The following DCC variants were observed in gnomAD, a reference collection of about 807,000 sequenced individuals.
The protein encoded by DCC is DCC netrin 1 receptor, also known as netrin receptor DCC.
In DCC, 58 loss-of-function variants were observed where a neutral mutation model predicts 172.5. The ratio of observed to expected loss-of-function variants is 0.34; its 90% CI spans 0.27 to 0.42. The LOEUF (loss-of-function observed/expected upper bound fraction) is 0.42, where lower values mean the gene tolerates loss of function less well. Ranked by LOEUF, DCC falls within the 10% of genes least tolerant of loss-of-function variation. DCC has a pLI of 1.00. For synonymous variants in DCC, 709 were observed against 644.5 expected (o/e 1.10, Z -1.52); for missense variants, 1,740 against 1,791.0 (o/e 0.97, Z 0.51).
intron 1 of DCC, among the ~76,000 whole-genome samples, chr18:52,359,970 A>C (rs562028616): frequency 6.6e-6 from 1 of 152,256 alleles, no homozygotes; most frequent in East Asian, 1.9e-4. Flanking sequence ...CTGCTCCATA[A>C]CATGTCCTTA....
At chr18:53,066,393 A>G (rs1164011170) in intron 7 of DCC, among the ~76,000 whole-genome samples, 1 of 103,280 alleles carries the variant, frequency 9.7e-6, no homozygotes, top group African/African-American at 3.7e-5. Flanking sequence ...ATATATATAT[A>G]TATATGTGCA....
At chr18:52,424,824 G>A (rs752394588) in intron 1 of DCC, among the ~76,000 whole-genome samples, 5 of 152,006 alleles carry the variant, frequency 3.3e-5, no homozygotes, top group South Asian at 2.1e-4. Flanking sequence ...TTCCTTCTAC[G>A]TATCAAACCC....
chr18:52,833,194 C>T (rs1251847680), intron 2 of DCC, among the ~76,000 whole-genome samples: 1 of 152,148 alleles, frequency 6.6e-6, no homozygotes. Context: ...CTTAGCAAGT[C>T]CACCTGTCTG....
chr18:53,452,895 G>A (rs980184067), intron 23 of DCC, among the ~76,000 whole-genome samples: 3 of 109,178 alleles, frequency 2.7e-5, no homozygotes, highest in African/African-American at 1.1e-4. Flanking sequence ...AGTGGGGTTT[G>A]TTTGTTTGTT....
chr18:52,971,019 A>T (rs1483248743), intron 5 of DCC, among the ~76,000 whole-genome samples: 1 of 152,182 alleles, frequency 6.6e-6, no homozygotes, highest in Non-Finnish European at 1.5e-5. Flanking sequence ...ATTGATGCTA[A>T]ATTTGTTTAT....
intron 1 of DCC, among the ~76,000 whole-genome samples, chr18:52,735,511 G>T (rs2036713007): frequency 6.6e-6 from 1 of 152,128 alleles, no homozygotes; most frequent in Admixed American, 6.6e-5. Context: ...AGTCTGAGAA[G>T]CCAGGAAGCC....
At chr18:53,502,850 T>TA (rs397944310) in intron 27 of DCC, among the ~76,000 whole-genome samples, 7 of 152,074 alleles carry the variant, frequency 4.6e-5, no homozygotes, top group African/African-American at 1.5e-4. Context: ...CTTTTTTTTT[T>TA]AAATTTATTT....
At chr18:53,428,327 A>AT (rs1168857376) in intron 21 of DCC, among the ~76,000 whole-genome samples, 1 of 34,494 alleles carries the variant, frequency 2.9e-5, no homozygotes, top group Non-Finnish European at 7.6e-5. Flanking sequence ...ATAATATAAT[A>AT]TAATATATTG....
intron 1 of DCC, among the ~76,000 whole-genome samples, chr18:52,365,639 C>G (rs1278196278): frequency 6.6e-6 from 1 of 152,118 alleles, no homozygotes; most frequent in African/African-American, 2.4e-5. Flanking sequence ...TGGGTTGCAA[C>G]TAAGTCCTCC....
At chr18:52,852,047 T>G (rs1187104616) in intron 2 of DCC, among the ~76,000 whole-genome samples, 1 of 152,126 alleles carries the variant, frequency 6.6e-6, no homozygotes, top group African/African-American at 2.4e-5. Context: ...TTTCCAAATT[T>G]CAATAGCAAT....
At chr18:53,512,541 G>T (rs562502636) in intron 27 of DCC, among the ~76,000 whole-genome samples, 107 of 146,470 alleles carry the variant, frequency 7.3e-4, no homozygotes, top group African/African-American at 2.6e-3. Flanking sequence ...CAAACCAAAG[G>T]CAAAGAAGTT....
intron 5 of DCC, among the ~76,000 whole-genome samples, chr18:52,960,310 A>C (rs1246476108): frequency 6.6e-6 from 1 of 152,164 alleles, no homozygotes; most frequent in African/African-American, 2.4e-5. Context: ...AACATTTGTG[A>C]TAAATTACAT....
intron 2 of DCC, among the ~76,000 whole-genome samples, chr18:52,766,656 G>A (rs773778307): frequency 2.8e-4 from 42 of 152,136 alleles, no homozygotes; most frequent in African/African-American, 8.4e-4. Flanking sequence ...CTGAAGTCAA[G>A]CCACTTCTCT....
intron 1 of DCC, among the ~76,000 whole-genome samples, chr18:52,434,758 CTTTTA>C (rs72076070): frequency 0.028 from 4,255 of 151,852 alleles, 207 homozygotes; most frequent in African/African-American, 0.096. Context: ...AGATTATGCC[CTTTTA>C]TTTTATTAAC....
intron 3 of DCC, among the ~76,000 whole-genome samples, chr18:52,918,950 T>C (rs538464072): frequency 2.0e-5 from 3 of 152,180 alleles, no homozygotes; most frequent in Admixed American, 6.6e-5. Context: ...ACAGTAATGA[T>C]TTATGATTTC....
chr18:53,311,584 G>A (rs568127087), intron 13 of DCC, among the ~76,000 whole-genome samples: 4 of 152,256 alleles, frequency 2.6e-5, no homozygotes, highest in African/African-American at 7.2e-5. Flanking sequence ...TCACTTTATT[G>A]TGAGTGATTA....
chr18:53,301,614 CT>C lies in DCC; in HGVS notation c.1912-3955del, dbSNP rs537056026. Reference sequence around the variant, plus strand: ...CCTGCCTCCATTCCCTAAAGACTGCCTTTTTTTTTCTGACATTTACCTTTAT... The same window carrying C: ...CCTGCCTCCATTCCCTAAAGACTGCCTTTTTTTTCTGACATTTACCTTTAT... On this transcript the variant is annotated intron_variant, in intron 12 of 28. Transcript: ENST00000442544. 2.1e-3 allele frequency among the ~76,000 whole-genome samples: 313 copies of C among 151,274 alleles called. 2 individuals carry two copies. The highest frequency in any genetic ancestry group is 5.3e-3 in the African/African-American group (218 of 41,240).
chr18:53,254,881 G>A (rs1306334416), intron 12 of DCC, among the ~76,000 whole-genome samples: 2 of 152,160 alleles, frequency 1.3e-5, no homozygotes, highest in African/African-American at 2.4e-5. Context: ...GTTGCAATAA[G>A]AGAAAGCATA....
At chr18:52,833,740 A>C (rs2038656273) in intron 2 of DCC, among the ~76,000 whole-genome samples, 1 of 152,116 alleles carries the variant, frequency 6.6e-6, no homozygotes, top group South Asian at 2.1e-4. Flanking sequence ...AGCTCACTGC[A>C]GCCTTAAATT....
Sources: allele counts gnomAD v4.1 joint callset (sites outside exome capture counted in the v4.1 genomes callset), GRCh38; gene constraint gnomAD v4.1.1; transcripts MANE v1.5; gene names NCBI Gene and HGNC (gene_info 2026-07-23, HGNC 2026-07-21).